Variants in ZNF687 observed in about 807,000 individuals in gnomAD.
ZNF687 encodes the protein zinc finger protein 687.
Under a neutral mutation model 71.8 loss-of-function variants are expected in ZNF687, and 13 were observed. The ratio of observed to expected loss-of-function variants is 0.18; its 90% confidence interval spans 0.12 to 0.29. ZNF687 has a LOEUF of 0.29. Ranked by LOEUF, ZNF687 falls within the 10% of genes least tolerant of loss-of-function variation. ZNF687 has a pLI of 1.00. For synonymous variants in ZNF687, 673 were observed against 641.6 expected (o/e 1.05, Z -0.74); for missense variants, 1,412 against 1,625.6 (o/e 0.87, Z 2.26).
chr1:151,289,335 C>A, intron 4 of ZNF687, 43 bp from the exon 5 acceptor site: 1 of 1,613,334 alleles, frequency 6.2e-7, no homozygotes, highest in East Asian at 2.2e-5. Context: ...AGGGGAGGGG[C>A]TGCACCCAAC....
In ZNF687 at chr1:151,282,993, C is replaced by T. The variant is rs886356215; in HGVS notation, c.-18+598C>T. 18 of 446,228 alleles carry T rather than the reference C, an allele frequency of 4.0e-5. No homozygotes were observed. In the Admixed American group the frequency reaches 5.1e-4, roughly 13 times the overall value. 27.6% of individuals were successfully genotyped at this position (446,228 alleles called of 1,614,324 possible). The stretch of plus-strand genomic sequence containing the variant: ...GCGCAGAGACCGTCCCCTCTCTCCT[C>T]CCCTCTTTCCAGCTCCCCACCCTAT... On this transcript the variant is annotated intron_variant, in intron 1 of 8. Transcript: ENST00000336715.
At chr1:151,282,292 G>T, upstream of ZNF687, 1 of 1,002,750 alleles carries the variant, frequency 1.0e-6, no homozygotes, top group Non-Finnish European at 1.2e-6. Flanking sequence ...CCGAACCGGA[G>T]AGAAGCAGGA....
In ZNF687 at chr1:151,290,134, T is replaced by C. The variant is rs1207490506; in HGVS notation, c.2977T>C (p.Phe993Leu). ...KKEHGKSVKK[F>L]PCRLCERSFC... ...CCTGCTCTCCTAGTCAGTGAAAAAG[T>C]TCCCCTGTCGCCTGTGTGAGCGCTC... is the stretch of plus-strand genomic sequence containing the variant. Residue 993 changes from phenylalanine (F) to leucine (L), a missense_variant, in exon 7 of 9, where the codon TTC (phenylalanine) becomes CTC (leucine). This residue lies in a region of ZNF687 where 284 missense variants were observed against 359.2 expected (regional missense o/e 0.79). Transcript: ENST00000336715. 1.2e-6 allele frequency: 2 copies of C among 1,613,982 alleles called. No homozygotes were observed. Among genetic ancestry groups the C allele is most frequent in the South Asian group, 1.1e-5 (1 of 91,082 alleles).
In ZNF687 at chr1:151,289,221, C is replaced by T. The variant is rs768428270; in HGVS notation, c.2421C>T (p.Ala807=). The T allele has an allele frequency of 1.6e-5, 26 of 1,614,034 alleles. No homozygotes were observed. In the East Asian group the frequency reaches 3.6e-4, roughly 22 times the overall value. ...TGGCCTTCAAGTCTGGGCCAAGTGCCCATGCCCACCTCTACTCCCAGCATC... is the reference window on the plus strand; with the variant it reads ...TGGCCTTCAAGTCTGGGCCAAGTGCTCATGCCCACCTCTACTCCCAGCATC... ...CPMAFKSGPS[A]HAHLYSQHPS... Residue 807 remains alanine, a synonymous_variant, in exon 4 of 9, where the codon GCC becomes GCT. Coordinates refer to ENST00000336715, the MANE Select transcript of ZNF687 (RefSeq NM_020832.3).
chr1:151,287,508 T>G lies in ZNF687; in HGVS notation c.1217T>G (p.Ile406Ser). ...LKGTVLPVAT[I>S]QNASTAMLMA... ...GGCACTGTGCTGCCTGTGGCCACCATCCAGAACGCCAGTACTGCCATGCTG... is the reference window on the plus strand; with the variant it reads ...GGCACTGTGCTGCCTGTGGCCACCAGCCAGAACGCCAGTACTGCCATGCTG... Residue 406 changes from isoleucine (I) to serine (S), a missense_variant, in exon 2 of 9, where the codon ATC (isoleucine) becomes AGC (serine). This residue lies in a region of ZNF687 where 133 missense variants were observed against 155.1 expected (regional missense o/e 0.86). Transcript: ENST00000336715. This position sits in a 1 kb window ranked among gnomAD's most constrained non-coding sequence, Gnocchi z 5.0. 6.2e-7 allele frequency: 1 copy of G among 1,614,092 alleles called. No individual in the cohort carries two copies. The highest frequency in any genetic ancestry group is 8.5e-7 in the Non-Finnish European group (1 of 1,180,014).
rs113419726 is a variant in ZNF687 at position 151,287,611 on chromosome 1, C to A, written c.1320C>A (p.Asn440Lys). ...TATSPKMIAKNVLGLVPQALP... is the reference protein window; with the variant it reads ...TATSPKMIAKKVLGLVPQALP... ...CCAGCCCTAAGATGATTGCTAAGAA[C>A]GTGCTAGGCCTGGTGCCCCAAGCCC... The change falls in exon 2 of 9, where the codon AAC becomes AAA. Residue 440 changes from asparagine to lysine, a missense_variant. Coordinates refer to ENST00000336715, the MANE Select transcript of ZNF687 (RefSeq NM_020832.3). The surrounding 1 kb of genome is among the most constrained non-coding windows in gnomAD (Gnocchi z 5.0). The A allele has an allele frequency of 2.5e-6, 4 of 1,613,038 alleles. No homozygotes were observed. The South Asian group carries it at 4.4e-5, about 18-fold the overall frequency.
chr1:151,284,894 C>T (rs1028528357), intron 1 of ZNF687, among the ~76,000 whole-genome samples: 1 of 146,234 alleles, frequency 6.8e-6, no homozygotes, highest in African/African-American at 2.5e-5. Flanking sequence ...ATCACAGCCT[C>T]GACCTCCCGG....
At chr1:151,283,906 C>T in intron 1 of ZNF687, 3 of 985,360 alleles carry the variant, frequency 3.0e-6, no homozygotes, top group Non-Finnish European at 2.4e-6. Context: ...GGGAAATGGC[C>T]TGCAACCTGG....
chr1:151,286,197 T>G (rs1045912180), intron 1 of ZNF687, 78 bp from the exon 2 acceptor site: 17 of 1,220,842 alleles, frequency 1.4e-5, no homozygotes, highest in Non-Finnish European at 2.0e-5. Flanking sequence ...AGGATAAATA[T>G]GGAGATGCTG....
Position 151,288,101 on chromosome 1 carries a change from C to T in ZNF687, c.1810C>T (p.Leu604Phe). Reference sequence around the variant, plus strand: ...ACATTTGGTCATGAGGCCTGTAGCCCTTGACCAGATGGTGGGGCAGCCGGA... The same window carrying T: ...ACATTTGGTCATGAGGCCTGTAGCCTTTGACCAGATGGTGGGGCAGCCGGA... ...CSHLVMRPVA[L>F]DQMVGQPDIT... The change falls in exon 2 of 9, where the codon CTT (leucine) becomes TTT (phenylalanine). Residue 604 changes from leucine to phenylalanine, a missense_variant. Physicochemically the swap from Leu to Phe is conservative, Grantham distance 22 (BLOSUM62 0). This residue lies in a region of ZNF687 where 207 missense variants were observed against 239.2 expected (regional missense o/e 0.87). Coordinates refer to ENST00000336715, the MANE Select transcript of ZNF687 (RefSeq NM_020832.3). 6.2e-7 allele frequency: 1 copy of T among 1,613,958 alleles called. No individual in the cohort carries two copies. The highest frequency in any genetic ancestry group is 1.7e-5 in the Admixed American group (1 of 60,024).
chr1:151,286,226 C>T, intron 1 of ZNF687, 49 bp from the exon 2 acceptor site: 1 of 1,433,418 alleles, frequency 7.0e-7, no homozygotes, highest in Non-Finnish European at 9.4e-7. Context: ...GCTCCAGGAT[C>T]TCTCTTCTAG....
chr1:151,288,848 G>A (rs1055033163), intron 3 of ZNF687, 142 bp downstream of exon 3: 4 of 1,140,008 alleles, frequency 3.5e-6, no homozygotes, highest in Admixed American at 2.6e-5. Context: ...GAGATAGTAC[G>A]TCCTGCCTTC....
At position 151,288,052 on chromosome 1, in the gene ZNF687, C is replaced by T. The variant is rs755179452; in HGVS notation, c.1761C>T (p.Asp587=). ...TCCTGCATGCACGTGAACACAAGGA[C>T]AAGGGGCTCGTCATGCAGTGCTCAC... The part of the protein sequence containing the change: ...SLLLHAREHK[D]KGLVMQCSHL... Residue 587 remains aspartate (D), a synonymous_variant, in exon 2 of 9, where the codon GAC becomes GAT. Transcript: ENST00000336715. The T allele has an allele frequency of 1.2e-6, 2 of 1,614,090 alleles. No homozygotes were observed. The highest frequency in any genetic ancestry group is 2.7e-5 in the African/African-American group (2 of 75,070).
rs978310756 is a variant in ZNF687, at chr1:151,291,902, T to A, written c.*693T>A. ...CATTAAAACTGTTTGTGGTCGAATC[T>A]CCATTCAGGCCTCTCTTTTTCTGTG... On this transcript the variant is annotated 3_prime_UTR_variant, in exon 9 of 9. Coordinates refer to ENST00000336715, the MANE Select transcript of ZNF687 (RefSeq NM_020832.3). 3.9e-5 allele frequency: 6 copies of A among 152,356 alleles called. No individual in the cohort carries two copies. Among genetic ancestry groups the A allele is most frequent in the African/African-American group, 1.4e-4 (6 of 41,490 alleles). 9.4% of individuals were successfully genotyped at this position (152,356 alleles called of 1,614,324 possible).
At position 151,287,697 on chromosome 1, in the gene ZNF687, C is replaced by T. The variant is rs925180703; in HGVS notation, c.1406C>T (p.Ser469Leu). The T allele has an allele frequency of 6.8e-6, 11 of 1,613,404 alleles. No individual in the cohort carries two copies. The highest frequency in any genetic ancestry group is 1.7e-5 in the Admixed American group (1 of 59,950). ...GGGGGACAGAAGGTGAATGGTGCCT[C>T]GGTGGTGATGGTGCAACCTTCAAAG... ...GTGGQKVNGA[S>L]VVMVQPSKTA... Residue 469 changes from serine to leucine, a missense_variant, in exon 2 of 9, where the codon TCG becomes TTG. Transcript: ENST00000336715. The surrounding 1 kb of genome is among the most constrained non-coding windows in gnomAD (Gnocchi z 5.0).
At chr1:151,290,664 C>T (rs746667960) in intron 8 of ZNF687, 51 bp from the exon 9 acceptor site, 2 of 1,578,582 alleles carry the variant, frequency 1.3e-6, no homozygotes, top group Non-Finnish European at 1.7e-6. Context: ...ATGGGGGTGC[C>T]AGGGACAGTA....
Position 151,288,500 on chromosome 1 carries a change from G to A in ZNF687, c.2116-28G>A, listed in dbSNP as rs776797182. The A allele has an allele frequency of 4.4e-6, 7 of 1,583,098 alleles. No homozygotes were observed. The African/African-American group carries it at 9.4e-5, about 21-fold the overall frequency. On this transcript the variant is annotated intron_variant, in intron 2 of 8. Coordinates refer to ENST00000336715, the MANE Select transcript of ZNF687 (RefSeq NM_020832.3). ...TAATGGAGACAGGACACTCCTCACCGACTTTCCTTGTTTAACCCACTCGAC... is the reference window on the plus strand; with the variant it reads ...TAATGGAGACAGGACACTCCTCACCAACTTTCCTTGTTTAACCCACTCGAC...
chr1:151,286,205 C>A, intron 1 of ZNF687, 70 bp from the exon 2 acceptor site: 1 of 1,309,960 alleles, frequency 7.6e-7, no homozygotes, highest in Non-Finnish European at 1.1e-6. Context: ...TATGGAGATG[C>A]TGAGGGAAGA....
In ZNF687 at chr1:151,290,588, G is replaced by A. The variant is rs758261765; in HGVS notation, c.3219+15G>A. 112 of 1,609,246 alleles carry A rather than the reference G, an allele frequency of 7.0e-5. No individual in the cohort carries two copies. Among genetic ancestry groups the A allele is most frequent in the Admixed American group, 5.0e-5 (3 of 59,650 alleles). On this transcript the variant is annotated intron_variant, in intron 8 of 8. Transcript: ENST00000336715. ...CCAGAGCCCAGGTAGGCAGAGGCCC[G>A]GCCTGCTGTGCTAGGGCTTTGAGTG...
Sources: gnomAD v4.1 joint callset for allele counts (sites outside exome capture counted in the v4.1 genomes callset) on GRCh38, gnomAD v4.1.1 for gene constraint, gnomAD v4.1.1 regional missense constraint, Gnocchi (gnomAD v3.1) non-coding constraint, MANE v1.5 for transcripts, NCBI Gene and HGNC (gene_info 2026-07-23, HGNC 2026-07-21) for gene names.